CLMP: variants seen among roughly 807,000 people sequenced by gnomAD.
CLMP encodes CXADR like cell adhesion molecule, also known as CXADR-like membrane protein.
CLMP carries 27 observed loss-of-function variants against 45.2 expected under a neutral mutation model. That is an observed-to-expected ratio of 0.60 (90% CI 0.44 to 0.82). CLMP has a LOEUF of 0.82. Among genes scored for constraint, CLMP ranks in the 40% least tolerant of loss-of-function variants. CLMP has a pLI of 0.00. For synonymous variants in CLMP, 167 were observed against 171.4 expected, an observed-to-expected ratio of 0.97 and a Z score of 0.20; for missense variants, 403 against 448.4, an observed-to-expected ratio of 0.90 and a Z score of 0.91.
intron 1 of CLMP, among the ~76,000 whole-genome samples, chr11:123,105,365 C>T (rs1012954674): frequency 9.1e-6 from 1 of 110,080 alleles, no homozygotes; most frequent in Non-Finnish European, 1.9e-5. Flanking sequence ...CCCTCCCTCC[C>T]TCCCTCCCTC....
Position 123,122,391 on chromosome 11 carries a change from C to T in CLMP, c.29-24439G>A, listed in dbSNP as rs138439562. ...CCTCCCACTTCCCCTGTTCAACAGA[C>T]AGTCATCATTGGCAGGGTTGTGTCT... is the stretch of plus-strand genomic sequence containing the variant. On this transcript the variant is annotated intron_variant, in intron 1 of 6. Coordinates refer to ENST00000448775, the MANE Select transcript of CLMP (RefSeq NM_024769.5). Among the ~76,000 whole-genome samples, 1,069 of 152,252 alleles carry T rather than the reference C, an allele frequency of 7.0e-3. 18 individuals are homozygous for T. Among genetic ancestry groups the T allele is most frequent in the African/African-American group, 0.025 (1,033 of 41,534 alleles).
chr11:123,174,425 C>A (rs1468664449), intron 1 of CLMP, among the ~76,000 whole-genome samples: 1 of 152,214 alleles, frequency 6.6e-6, no homozygotes, highest in Non-Finnish European at 1.5e-5. Flanking sequence ...TAGGCGACAT[C>A]CTATCCTGAA....
chr11:123,155,888 G>T (rs1861406751), intron 1 of CLMP, among the ~76,000 whole-genome samples: 1 of 152,180 alleles, frequency 6.6e-6, no homozygotes, highest in African/African-American at 2.4e-5. Flanking sequence ...GCATGAGAAT[G>T]ACAAAGCAGC....
intron 1 of CLMP, among the ~76,000 whole-genome samples, chr11:123,181,488 T>C (rs1861769543): frequency 6.6e-6 from 1 of 152,338 alleles, no homozygotes; most frequent in Admixed American, 6.5e-5. Flanking sequence ...TACTATCTTT[T>C]CCCAAAACTT....
chr11:123,188,858 GT>G (rs1555088546), intron 1 of CLMP: 1 of 152,078 alleles, frequency 6.6e-6, no homozygotes, highest in South Asian at 2.1e-4. Flanking sequence ...GGAAGCTATG[GT>G]TTGCATTTTT....
chr11:123,192,607 G>C (rs980515640), intron 1 of CLMP, among the ~76,000 whole-genome samples: 11 of 152,120 alleles, frequency 7.2e-5, no homozygotes, highest in Non-Finnish European at 1.5e-4. Flanking sequence ...CAGAAGAGGG[G>C]CTGAGCTGGA....
intron 1 of CLMP, among the ~76,000 whole-genome samples, chr11:123,168,875 C>T (rs1861593504): frequency 6.6e-6 from 1 of 152,164 alleles, no homozygotes; most frequent in South Asian, 2.1e-4. Flanking sequence ...ACCTGCCCTC[C>T]CTGGGTTATG....
chr11:123,141,926 G>C (rs1364762608), intron 1 of CLMP, among the ~76,000 whole-genome samples: 3 of 151,112 alleles, frequency 2.0e-5, no homozygotes, highest in Non-Finnish European at 4.4e-5. Flanking sequence ...CAGCAGATGG[G>C]CTACAATCTC....
At chr11:123,079,159 T>G (rs1865773278) in intron 5 of CLMP, among the ~76,000 whole-genome samples, 1 of 152,220 alleles carries the variant, frequency 6.6e-6, no homozygotes, top group Non-Finnish European at 1.5e-5. Flanking sequence ...CTTATCCTTC[T>G]TCTTTGTATA....
intron 1 of CLMP, among the ~76,000 whole-genome samples, chr11:123,169,951 G>A (rs1451549637): frequency 6.6e-6 from 1 of 152,170 alleles, no homozygotes. Flanking sequence ...GAGTTAAGGG[G>A]TTGTAAAGAC....
At chr11:123,169,618 T>C (rs946555433) in intron 1 of CLMP, among the ~76,000 whole-genome samples, 1 of 152,150 alleles carries the variant, frequency 6.6e-6, no homozygotes, top group Admixed American at 6.5e-5. Flanking sequence ...ATAGTGTCAA[T>C]AAAGAGAGTC....
chr11:123,177,968 T>A (rs1861720744), intron 1 of CLMP, among the ~76,000 whole-genome samples: 1 of 152,214 alleles, frequency 6.6e-6, no homozygotes, highest in African/African-American at 2.4e-5. Context: ...GTTCAAGCGA[T>A]ACTTCTACCT....
intron 1 of CLMP, among the ~76,000 whole-genome samples, chr11:123,165,867 A>T (rs1397784460): frequency 6.6e-6 from 1 of 152,202 alleles, no homozygotes; most frequent in Non-Finnish European, 1.5e-5. Context: ...AAGCAAGGTG[A>T]TGTAGAGAGG....
intron 5 of CLMP, among the ~76,000 whole-genome samples, chr11:123,080,280 G>C (rs189041237): frequency 2.6e-5 from 4 of 151,234 alleles, no homozygotes; most frequent in African/African-American, 9.7e-5. Flanking sequence ...TCAGAAGTGA[G>C]TCACTAAGTT....
rs1413374715 is a variant in CLMP at position 123,071,530 on chromosome 11, C to G, written c.*1944G>C. The G allele has an allele frequency of 2.0e-5, 3 of 152,094 alleles. No individual in the cohort carries two copies. Among genetic ancestry groups the G allele is most frequent in the Non-Finnish European group, 4.4e-5 (3 of 68,026 alleles). The allele number at this position is 152,094 out of a possible 1,614,324, so 9.4% of individuals were successfully genotyped here. A position where few individuals can be genotyped will look rare whatever the true frequency, so the allele number is the denominator to read the frequency against. On this transcript the variant is annotated 3_prime_UTR_variant, in exon 7 of 7. Transcript: ENST00000448775. ...CTTGAGGTCAGGAGCTTGAGACAAG[C>G]CTGGCCAACATGGAGAAACCCTGTC...
chr11:123,101,483 A>G (rs1294128394), intron 1 of CLMP, among the ~76,000 whole-genome samples: 2 of 152,206 alleles, frequency 1.3e-5, no homozygotes, highest in Non-Finnish European at 2.9e-5. Flanking sequence ...TGGGAAGGAA[A>G]ATGGCTTCCG....
chr11:123,194,766 G>T, intron 1 of CLMP, 147 bp downstream of exon 1: 1 of 940,482 alleles, frequency 1.1e-6, no homozygotes, highest in Non-Finnish European at 1.7e-6. Context: ...TGCCAGATGT[G>T]CTCCTCCGTG....
intron 1 of CLMP, among the ~76,000 whole-genome samples, chr11:123,166,096 A>T (rs572628405): frequency 6.6e-6 from 1 of 152,318 alleles, no homozygotes; most frequent in South Asian, 2.1e-4. Flanking sequence ...AAAATTCATG[A>T]TTTGCAGCCA....
intron 1 of CLMP, among the ~76,000 whole-genome samples, chr11:123,102,550 AT>A: frequency 6.8e-6 from 1 of 147,610 alleles, no homozygotes; most frequent in African/African-American, 2.5e-5. Flanking sequence ...AAGTGATGGG[AT>A]TACAGGTGAC....
Sources: gnomAD v4.1 joint callset for allele counts (sites outside exome capture counted in the v4.1 genomes callset) on GRCh38, gnomAD v4.1.1 for gene constraint, MANE v1.5 for transcripts, NCBI Gene and HGNC (gene_info 2026-07-23, HGNC 2026-07-21) for gene names.